The following FOCAD variants were observed in gnomAD, a reference collection of about 807,000 sequenced individuals.
The protein encoded by FOCAD is focadhesin.
In FOCAD, 198 loss-of-function variants were observed where a neutral mutation model predicts 225.6. The ratio of observed to expected loss-of-function variants is 0.88; its 90% CI spans 0.78 to 0.99. FOCAD has a LOEUF of 0.99. Ranked by LOEUF, FOCAD falls within the 50% of genes least tolerant of loss-of-function variation. The pLI, the probability that FOCAD is intolerant of heterozygous loss-of-function variation, is 0.00. For synonymous variants in FOCAD, 897 were observed against 755.0 expected (o/e 1.19, Z -3.08); for missense variants, 2,713 against 2,123.6 (o/e 1.28, Z -5.46).
In FOCAD at chr9:20,754,523, A is replaced by G. The variant is rs190439957; in HGVS notation, c.393-3567A>G. On this transcript the variant is annotated intron_variant, in intron 5 of 43. Transcript: ENST00000338382. ...GATTAACTACTTTTCATTCAGTGTT[A>G]GGAAAGGTGAAACTGGAAGCATAGT... is the stretch of plus-strand genomic sequence containing the variant. 6.6e-4 allele frequency among the ~76,000 whole-genome samples: 100 copies of G among 151,800 alleles called. 2 individuals are homozygous for G. The highest frequency in any genetic ancestry group is 2.3e-3 in the African/African-American group (95 of 41,394).
chr9:20,777,786 G>A (rs1208802683), intron 8 of FOCAD, among the ~76,000 whole-genome samples: 1 of 151,956 alleles, frequency 6.6e-6, no homozygotes, highest in African/African-American at 2.4e-5. Context: ...AGTATTTTAG[G>A]CAACTTTCAA....
intron 35 of FOCAD, 82 bp from the exon 36 acceptor site, chr9:20,976,338 A>C: frequency 1.5e-6 from 2 of 1,331,370 alleles, no homozygotes; most frequent in Non-Finnish European, 2.1e-6. Context: ...TGATGCTAGA[A>C]GGAAAGAAGG....
intron 4 of FOCAD, among the ~76,000 whole-genome samples, chr9:20,727,872 T>C (rs1826338322): frequency 6.6e-6 from 1 of 152,224 alleles, no homozygotes; most frequent in South Asian, 2.1e-4. Context: ...CAAACCCTTT[T>C]AATTCTACCC....
chr9:20,688,959 G>A (rs1417530304), intron 1 of FOCAD, among the ~76,000 whole-genome samples: 3 of 152,212 alleles, frequency 2.0e-5, no homozygotes, highest in Non-Finnish European at 2.9e-5. Context: ...TGTTACGTGC[G>A]TATGGTAAGA....
At chr9:20,793,775 C>T (rs1162271477) in intron 11 of FOCAD, among the ~76,000 whole-genome samples, 7 of 152,102 alleles carry the variant, frequency 4.6e-5, no homozygotes, top group Non-Finnish European at 1.5e-5. Flanking sequence ...TGTTGAAGGG[C>T]TGTGAGAGGG....
chr9:20,874,498 G>T, intron 18 of FOCAD, 183 bp from the exon 19 acceptor site: 5 of 566,414 alleles, frequency 8.8e-6, no homozygotes, highest in Non-Finnish European at 1.2e-5. Context: ...CTAGAGTCAT[G>T]ACCATTTAGT....
At chr9:20,912,834 T>G in intron 22 of FOCAD, 32 bp from the exon 23 acceptor site, 1 of 1,572,132 alleles carries the variant, frequency 6.4e-7, no homozygotes, top group Middle Eastern at 1.8e-4. Context: ...GCCATCGAGT[T>G]CACATGCTGA....
At chr9:20,988,495 A>T in intron 41 of FOCAD, 66 bp downstream of exon 41, 1 of 631,500 alleles carries the variant, frequency 1.6e-6, no homozygotes, top group Non-Finnish European at 2.4e-6. Context: ...TTGGTGCAAA[A>T]GTAATTGCGG....
chr9:20,908,029 C>G (rs187108857), intron 22 of FOCAD, among the ~76,000 whole-genome samples: 15 of 152,056 alleles, frequency 9.9e-5, no homozygotes, highest in Admixed American at 7.2e-4. Flanking sequence ...GAGATATACT[C>G]AATTTGAGTT....
chr9:20,688,343 A>T (rs1218439547), intron 1 of FOCAD, among the ~76,000 whole-genome samples: 1 of 152,178 alleles, frequency 6.6e-6, no homozygotes, highest in Non-Finnish European at 1.5e-5. Flanking sequence ...TAGTGGCCAG[A>T]TGGATGTAGG....
At chr9:20,965,732 T>C (rs563789749) in intron 35 of FOCAD, among the ~76,000 whole-genome samples, 37 of 152,328 alleles carry the variant, frequency 2.4e-4, no homozygotes, top group East Asian at 5.8e-4. Context: ...ATTTGCTTTC[T>C]GTCTTTATGT....
intron 4 of FOCAD, among the ~76,000 whole-genome samples, chr9:20,727,028 G>C (rs546289778): frequency 6.6e-6 from 1 of 152,198 alleles, no homozygotes; most frequent in Admixed American, 6.5e-5. Context: ...TGGTTTCAAG[G>C]TTTATATTTA....
Position 20,865,959 on chromosome 9 carries a change from A to T in FOCAD, c.2089A>T (p.Thr697Ser), listed in dbSNP as rs1189478232. The T allele has an allele frequency of 1.2e-6, 2 of 1,608,664 alleles. No homozygotes were observed. The highest frequency in any genetic ancestry group is 1.1e-5 in the South Asian group (1 of 89,898). Residue 697 changes from threonine (T) to serine (S), a missense_variant, in exon 17 of 44, where the codon ACT becomes TCT. By Grantham distance (58) the Thr-to-Ser change is moderately conservative (BLOSUM62 1). Coordinates refer to ENST00000338382, the MANE Select transcript of FOCAD (RefSeq NM_001375567.1). ...FKVQVLSFLW[T>S]HTQNKDPIVA... ...AGTTCAAGTCCTCAGCTTCCTCTGG[A>T]CTCATACTCAAAACAAGGTACTATC...
At chr9:20,937,839 A>G (rs528354370) in intron 28 of FOCAD, among the ~76,000 whole-genome samples, 20 of 152,292 alleles carry the variant, frequency 1.3e-4, no homozygotes, top group South Asian at 1.0e-3. Context: ...ATCTGACAAA[A>G]GGCTAATATC....
intron 15 of FOCAD, among the ~76,000 whole-genome samples, chr9:20,838,837 T>C (rs1179655490): frequency 6.6e-6 from 1 of 152,166 alleles, no homozygotes; most frequent in Non-Finnish European, 1.5e-5. Flanking sequence ...GTGATTTATG[T>C]ATAAGCCTGC....
intron 4 of FOCAD, among the ~76,000 whole-genome samples, chr9:20,729,995 T>G (rs1435350433): frequency 6.6e-6 from 1 of 152,206 alleles, no homozygotes; most frequent in East Asian, 1.9e-4. Flanking sequence ...AACCACTGCT[T>G]TGTTTTCTAG....
At chr9:20,854,100 G>A (rs1192533474) in intron 15 of FOCAD, among the ~76,000 whole-genome samples, 1 of 151,738 alleles carries the variant, frequency 6.6e-6, no homozygotes, top group Non-Finnish European at 1.5e-5. Context: ...AGTTTTCATA[G>A]CCTAAAGGTT....
intron 11 of FOCAD, among the ~76,000 whole-genome samples, chr9:20,815,123 G>GTTTTTTTT (rs71334554): frequency 1.1e-4 from 9 of 85,384 alleles, no homozygotes; most frequent in African/African-American, 1.9e-4. Flanking sequence ...ACTTCTCTTT[G>GTTTTTTTT]TTTTTTTTTT....
chr9:20,699,937 G>A (rs532620273), intron 1 of FOCAD, among the ~76,000 whole-genome samples: 19 of 150,370 alleles, frequency 1.3e-4, no homozygotes, highest in Non-Finnish European at 2.2e-4. Flanking sequence ...TCTGTCAATT[G>A]GATGTCAGCA....
Sources: gnomAD v4.1 joint callset for allele counts (sites outside exome capture counted in the v4.1 genomes callset) on GRCh38, gnomAD v4.1.1 for gene constraint, MANE v1.5 for transcripts, NCBI Gene and HGNC (gene_info 2026-07-23, HGNC 2026-07-21) for gene names.